Variants in CELF1 observed in about 807,000 individuals in gnomAD.
CELF1 encodes the protein 50 kDa nuclear polyadenylated RNA-binding protein.
A neutral mutation model predicts 61.8 loss-of-function variants in CELF1; 10 were observed. The ratio of observed to expected loss-of-function variants is 0.16; its 90% CI spans 0.10 to 0.27. The LOEUF (loss-of-function observed/expected upper bound fraction) is 0.27. Among genes scored for constraint, CELF1 ranks in the 10% least tolerant of loss-of-function variants. The pLI is 1.00. For missense variants in CELF1, 380 were observed against 639.1 expected, an observed-to-expected ratio of 0.59 and a Z score of 4.37; for synonymous variants, 236 against 225.1, an observed-to-expected ratio of 1.05 and a Z score of -0.43.
At chr11:47,482,611 A>G in intron 9 of CELF1, 84 bp downstream of exon 9, 1 of 1,349,530 alleles carries the variant, frequency 7.4e-7, no homozygotes, top group South Asian at 1.4e-5. Flanking sequence ...TGTAAATGCC[A>G]CTGTGTTTGT....
chr11:47,477,064 G>A, intron 11 of CELF1, 105 bp from the exon 12 acceptor site: 1 of 1,044,724 alleles, frequency 9.6e-7, no homozygotes, highest in South Asian at 1.4e-5. Context: ...GAGGTTTTCA[G>A]TTACTAATTC....
At chr11:47,481,102 C>CTTTTTTTTTTTTTTTTTTTTTTTTTTT (rs1187959061) in intron 9 of CELF1, among the ~76,000 whole-genome samples, 1 of 71,418 alleles carries the variant, frequency 1.4e-5, no homozygotes. Flanking sequence ...TTTTCTTCTT[C>CTTTTTTTTTTTTTTTTTTTTTTTTTTT]TTTTTTTTTT....
intron 7 of CELF1, 60 bp from the exon 8 acceptor site, chr11:47,483,592 G>A: frequency 7.9e-7 from 1 of 1,258,580 alleles, no homozygotes; most frequent in East Asian, 2.3e-5. Context: ...AACATTAACT[G>A]AGCACCTACT....
intron 9 of CELF1, among the ~76,000 whole-genome samples, chr11:47,481,102 C>CTTTTTTTTTTTTTTTTTTTTTTTTT (rs1187959061): frequency 7.0e-5 from 5 of 71,418 alleles, no homozygotes; most frequent in African/African-American, 5.7e-5. Context: ...TTTTCTTCTT[C>CTTTTTTTTTTTTTTTTTTTTTTTTT]TTTTTTTTTT....
At chr11:47,546,162 G>A (rs962670969) in intron 1 of CELF1, among the ~76,000 whole-genome samples, 4 of 150,460 alleles carry the variant, frequency 2.7e-5, no homozygotes, top group African/African-American at 9.8e-5. Context: ...TGCCTGCCTC[G>A]GCCTCCCTAC....
intron 1 of CELF1, among the ~76,000 whole-genome samples, chr11:47,516,280 ATAAG>A (rs2095548563): frequency 6.6e-6 from 1 of 152,222 alleles, no homozygotes; most frequent in Admixed American, 6.5e-5. Context: ...CAAGATCATA[ATAAG>A]TGAGTGAAAG....
At position 47,476,856 on chromosome 11, in the gene CELF1, G is replaced by A. The variant is rs777430499; in HGVS notation, c.1077C>T (p.Gly359=). 1 of 1,613,828 alleles carries A rather than the reference G, an allele frequency of 6.2e-7. No individual in the cohort carries two copies. Among genetic ancestry groups the A allele is most frequent in the East Asian group, 2.2e-5 (1 of 44,880 alleles). ...LAGATAGLNV[G]SLAGMAALNG... is the part of the protein sequence containing the mutation. Reference sequence around the variant, plus strand: ...GGTGCTGCCCCTTACCTGCCAAAGAGCCAACATTGAGGCCAGCCGTTGCTC... The same window carrying A: ...GGTGCTGCCCCTTACCTGCCAAAGAACCAACATTGAGGCCAGCCGTTGCTC... The change falls in exon 12 of 15, where the codon GGC becomes GGT. Residue 359 remains glycine (G), a synonymous_variant. Coordinates refer to ENST00000687097, the MANE Select transcript of CELF1 (RefSeq NM_001376376.1).
intron 3 of CELF1, among the ~76,000 whole-genome samples, chr11:47,497,352 AC>A (rs1297928907): frequency 6.6e-6 from 1 of 152,246 alleles, no homozygotes; most frequent in Non-Finnish European, 1.5e-5. Flanking sequence ...GCAAAGTAGC[AC>A]CAGTGGAAGC....
At chr11:47,507,282 G>A (rs1276473157) in intron 1 of CELF1, among the ~76,000 whole-genome samples, 1 of 152,106 alleles carries the variant, frequency 6.6e-6, no homozygotes, top group South Asian at 2.1e-4. Flanking sequence ...AAAGCTAATG[G>A]CTGTATAATT....
chr11:47,485,204 C>T (rs1011181771), intron 6 of CELF1, among the ~76,000 whole-genome samples: 1 of 152,136 alleles, frequency 6.6e-6, no homozygotes, highest in Non-Finnish European at 1.5e-5. Flanking sequence ...CTTTTTGAGA[C>T]AAGAGTCTCG....
intron 1 of CELF1, among the ~76,000 whole-genome samples, chr11:47,544,365 T>A (rs1003141281): frequency 6.6e-6 from 1 of 152,202 alleles, no homozygotes. Context: ...CTAGCATAAG[T>A]TACCTCAATT....
At chr11:47,506,749 A>C (rs997029032) in intron 1 of CELF1, 3 of 152,350 alleles carry the variant, frequency 2.0e-5, no homozygotes, top group African/African-American at 7.2e-5. Context: ...TGTACAAAAG[A>C]AGCCATCACC....
At chr11:47,488,310 T>C (rs1206339094) in intron 4 of CELF1, among the ~76,000 whole-genome samples, 2 of 152,220 alleles carry the variant, frequency 1.3e-5, no homozygotes, top group Admixed American at 6.5e-5. Context: ...CTGTTCACTT[T>C]GTGGCAACAG....
intron 2 of CELF1, among the ~76,000 whole-genome samples, chr11:47,559,537 C>T (rs987825400): frequency 1.2e-4 from 18 of 152,034 alleles, no homozygotes; most frequent in Admixed American, 2.6e-4. Context: ...TTTTATAGAG[C>T]TGGGGTCTCA....
At chr11:47,545,220 G>A (rs747771457) in intron 1 of CELF1, among the ~76,000 whole-genome samples, 3 of 150,554 alleles carry the variant, frequency 2.0e-5, no homozygotes, top group African/African-American at 4.9e-5. Context: ...ACCTGAGGTC[G>A]GGAATTCGAG....
chr11:47,526,579 G>A (rs1460529156), intron 1 of CELF1, among the ~76,000 whole-genome samples: 1 of 152,196 alleles, frequency 6.6e-6, no homozygotes, highest in African/African-American at 2.4e-5. Flanking sequence ...CATTTCTCAT[G>A]TAACACTTTC....
chr11:47,540,659 G>A (rs1266911532), intron 1 of CELF1, among the ~76,000 whole-genome samples: 1 of 152,136 alleles, frequency 6.6e-6, no homozygotes, highest in African/African-American at 2.4e-5. Flanking sequence ...GCCGAGGTGG[G>A]TGGATCACGA....
intron 1 of CELF1, among the ~76,000 whole-genome samples, chr11:47,531,263 AACAAAAAAC>A (rs2096462926): frequency 1.3e-5 from 2 of 148,868 alleles, no homozygotes; most frequent in African/African-American, 5.2e-5. Flanking sequence ...CAACAACAAC[AACAAAAAAC>A]AAAAAAAAAC....
chr11:47,550,255 G>A (rs899315661), intron 1 of CELF1, among the ~76,000 whole-genome samples: 1 of 152,182 alleles, frequency 6.6e-6, no homozygotes, highest in Middle Eastern at 3.4e-3. Context: ...AAAACACCGG[G>A]TACGGTGGCT....
Sources: gnomAD v4.1 joint callset for allele counts (sites outside exome capture counted in the v4.1 genomes callset) on GRCh38, gnomAD v4.1.1 for gene constraint, MANE v1.5 for transcripts, NCBI Gene and HGNC (gene_info 2026-07-23, HGNC 2026-07-21) for gene names.